Variants in NREP observed in about 807,000 individuals in gnomAD.
The protein encoded by NREP is neuronal regeneration related protein.
A neutral mutation model predicts 8.6 loss-of-function variants in NREP; 5 were observed. The observed-to-expected ratio is 0.58, with a 90% CI of 0.30 to 1.22. The LOEUF (loss-of-function observed/expected upper bound fraction) is 1.22. NREP is among the 50% of genes most tolerant of loss of function. The probability of loss-of-function intolerance (pLI) is 0.07; values close to 1 mark genes in which losing one functional copy is unlikely to be tolerated. For synonymous variants in NREP, 27 were observed against 28.0 expected (o/e 0.96, Z 0.11); for missense variants, 86 against 82.5 (o/e 1.04, Z -0.17).
chr5:111,805,889 G>A (rs1317383364), intron 2 of NREP, among the ~76,000 whole-genome samples: 1 of 133,222 alleles, frequency 7.5e-6, no homozygotes, highest in East Asian at 2.3e-4. Context: ...AATAATGTAT[G>A]GCATGCTTGA....
At chr5:111,735,937 A>C (rs577483489) in intron 2 of NREP, among the ~76,000 whole-genome samples, 1 of 152,328 alleles carries the variant, frequency 6.6e-6, no homozygotes, top group Admixed American at 6.5e-5. Flanking sequence ...AAAAGAGGAA[A>C]GAAAGCAGCA....
chr5:111,958,405 A>G (rs1054631453), intron 2 of NREP, among the ~76,000 whole-genome samples: 3 of 151,968 alleles, frequency 2.0e-5, no homozygotes, highest in African/African-American at 7.2e-5. Flanking sequence ...TTCATAGTTG[A>G]TAAAATTTAC....
Position 111,976,709 on chromosome 5 carries a change from C to T in NREP, c.30+1G>A, listed in dbSNP as rs1277123118. On this transcript the variant is annotated splice_donor_variant, in intron 1 of 3. Transcript: ENST00000395634. LOFTEE classifies it high-confidence loss of function. ...TACACAGTAAGTTATTCTTCACATACCAAAGCAGAATAATTCCAAACTCCT... is the reference window on the plus strand; with the variant it reads ...TACACAGTAAGTTATTCTTCACATATCAAAGCAGAATAATTCCAAACTCCT... 1.9e-6 allele frequency: 3 copies of T among 1,550,124 alleles called. No individual in the cohort carries two copies. The highest frequency in any genetic ancestry group is 1.7e-4 in the Middle Eastern group (1 of 5,952).
At chr5:111,761,839 A>C (rs1173825997), upstream of NREP, among the ~76,000 whole-genome samples, 2 of 152,222 alleles carry the variant, frequency 1.3e-5, no homozygotes, top group Non-Finnish European at 2.9e-5. Flanking sequence ...AAGTTCAACC[A>C]ATCAGACCGA....
chr5:111,915,187 C>T (rs1170654913), intron 2 of NREP, among the ~76,000 whole-genome samples: 1 of 152,062 alleles, frequency 6.6e-6, no homozygotes, highest in African/African-American at 2.4e-5. Flanking sequence ...AGTTTGCATT[C>T]CCCCAGGGTG....
At chr5:111,915,186 TCC>T (rs999710687) in intron 2 of NREP, among the ~76,000 whole-genome samples, 2 of 152,032 alleles carry the variant, frequency 1.3e-5, no homozygotes, top group African/African-American at 4.8e-5. Context: ...GAGTTTGCAT[TCC>T]CCCAGGGTGG....
chr5:111,919,973 ACCCCCCC>A (rs34120230), intron 2 of NREP, among the ~76,000 whole-genome samples: 1 of 127,406 alleles, frequency 7.8e-6, no homozygotes, highest in Non-Finnish European at 1.7e-5. Flanking sequence ...TAAAAAGAAT[ACCCCCCC>A]CCCCCACACA....
At chr5:111,782,258 G>C (rs192273904) in intron 2 of NREP, among the ~76,000 whole-genome samples, 183 of 152,222 alleles carry the variant, frequency 1.2e-3, no homozygotes, top group African/African-American at 3.8e-3. Flanking sequence ...CACATGTAGA[G>C]TACAAAAAGT....
At chr5:111,785,424 G>A (rs556872293) in intron 2 of NREP, among the ~76,000 whole-genome samples, 2 of 152,072 alleles carry the variant, frequency 1.3e-5, no homozygotes, top group Admixed American at 6.5e-5. Context: ...GAGTACAGGC[G>A]CATGCCACCA....
intron 2 of NREP, among the ~76,000 whole-genome samples, chr5:111,791,293 T>C (rs1399784004): frequency 6.6e-6 from 1 of 152,200 alleles, no homozygotes; most frequent in African/African-American, 2.4e-5. Context: ...ATCACCACAT[T>C]GTACAAGAGA....
At chr5:111,876,190 C>T (rs1753904624) in intron 2 of NREP, among the ~76,000 whole-genome samples, 1 of 152,196 alleles carries the variant, frequency 6.6e-6, no homozygotes, top group South Asian at 2.1e-4. Context: ...ATTCCCACAT[C>T]CCCATGCATG....
intron 2 of NREP, among the ~76,000 whole-genome samples, chr5:111,881,017 G>A (rs754695097): frequency 1.3e-5 from 2 of 152,202 alleles, no homozygotes; most frequent in Non-Finnish European, 2.9e-5. Flanking sequence ...CCGAAGCAGG[G>A]CGAGGCATTG....
intron 2 of NREP, among the ~76,000 whole-genome samples, chr5:111,864,564 C>G (rs115956191): frequency 6.6e-6 from 1 of 151,566 alleles, no homozygotes; most frequent in African/African-American, 2.4e-5. Flanking sequence ...AAAACTGGAG[C>G]GGGGTGAAGT....
intron 2 of NREP, among the ~76,000 whole-genome samples, chr5:111,810,991 G>A (rs1442017892): frequency 6.6e-6 from 1 of 151,874 alleles, no homozygotes; most frequent in Non-Finnish European, 1.5e-5. Context: ...TGCTCACTGG[G>A]AATAAAAAAA....
At chr5:111,897,529 A>G (rs1165012984) in intron 2 of NREP, among the ~76,000 whole-genome samples, 6 of 152,154 alleles carry the variant, frequency 3.9e-5, no homozygotes, top group Non-Finnish European at 5.9e-5. Flanking sequence ...GCTGGGTTAA[A>G]CTTGTGAGCT....
chr5:111,846,945 C>A (rs1288304948), intron 2 of NREP, among the ~76,000 whole-genome samples: 3 of 152,098 alleles, frequency 2.0e-5, no homozygotes, highest in Non-Finnish European at 4.4e-5. Flanking sequence ...TCTAACGTTT[C>A]ATTATGCATC....
intron 2 of NREP, among the ~76,000 whole-genome samples, chr5:111,763,518 G>T (rs1219322427): frequency 6.6e-6 from 1 of 152,198 alleles, no homozygotes; most frequent in Non-Finnish European, 1.5e-5. Context: ...TGGAGGTGAA[G>T]AACAAGGAGG....
At chr5:111,921,546 T>C (rs1755240463) in intron 2 of NREP, among the ~76,000 whole-genome samples, 1 of 152,162 alleles carries the variant, frequency 6.6e-6, no homozygotes, top group African/African-American at 2.4e-5. Context: ...TCATATTTTG[T>C]AGAGCAACTG....
At chr5:111,951,138 A>G (rs575635310) in intron 2 of NREP, among the ~76,000 whole-genome samples, 1 of 152,152 alleles carries the variant, frequency 6.6e-6, no homozygotes, top group African/African-American at 2.4e-5. Flanking sequence ...TGCTGTATGC[A>G]TCCTTCTTGC....
Sources: gnomAD v4.1 joint callset for allele counts (sites outside exome capture counted in the v4.1 genomes callset) on GRCh38, gnomAD v4.1.1 for gene constraint, MANE v1.5 for transcripts, NCBI Gene and HGNC (gene_info 2026-07-23, HGNC 2026-07-21) for gene names.